PLA2G4D: variants seen among roughly 807,000 people sequenced by gnomAD.
The protein encoded by PLA2G4D is phospholipase A2 group IVD.
A neutral mutation model predicts 94.4 loss-of-function variants in PLA2G4D; 80 were observed. That is an observed-to-expected ratio of 0.85 (90% CI 0.71 to 1.02). PLA2G4D has a LOEUF of 1.02. Ranked by LOEUF, PLA2G4D falls within the 50% of genes least tolerant of loss-of-function variation. The pLI is 0.00. For missense variants in PLA2G4D, 1,050 were observed against 1,034.7 expected (o/e 1.01, Z -0.20); for synonymous variants, 438 against 440.9 (o/e 0.99, Z 0.08).
At chr15:42,093,312 G>C (rs990763289) in intron 1 of PLA2G4D, among the ~76,000 whole-genome samples, 2 of 152,170 alleles carry the variant, frequency 1.3e-5, no homozygotes, top group African/African-American at 2.4e-5. Context: ...CTGACACTTA[G>C]GCTTTTGTTT....
At chr15:42,087,828 G>T (rs555125847) in intron 1 of PLA2G4D, 128 bp from the exon 2 acceptor site, 2 of 924,364 alleles carry the variant, frequency 2.2e-6, no homozygotes, top group African/African-American at 1.7e-5. Context: ...CCTGCCAGGC[G>T]TTCCGGGGAC....
At position 42,068,788 on chromosome 15, in the gene PLA2G4D, G is replaced by T. The variant is rs1449025540; in HGVS notation, c.2384C>A (p.Ala795Asp). The change falls in exon 20 of 20, where the codon GCC becomes GAC. Residue 795 changes from alanine (A) to aspartate (D), a missense_variant. Coordinates refer to ENST00000290472, the MANE Select transcript of PLA2G4D (RefSeq NM_178034.4). ...SDYNVQTSQG[A>D]ILQALRTALK... is the part of the protein sequence containing the mutation. ...CGCGGTCCTCAGGGCCTGCAGGATG[G>T]CACCCTGGCTGGTCTGCACGTTGTA... 5 of 1,613,304 alleles carry T rather than the reference G, an allele frequency of 3.1e-6. No individual in the cohort carries two copies. The South Asian group carries it at 5.5e-5, about 18-fold the overall frequency.
chr15:42,087,655 C>T lies in PLA2G4D; in HGVS notation c.91G>A (p.Ala31Thr). ...AGGTCAGCCCAGCGCAGGTTCCGCG[C>T]CTCCAGGACCCTCACTGTGAGCTGC... The part of the protein sequence containing the change: ...CWQLTVRVLE[A>T]RNLRWADLLS... The change falls in exon 2 of 20, where the codon GCG becomes ACG. Residue 31 changes from alanine (A) to threonine (T), a missense_variant. Coordinates refer to ENST00000290472, the MANE Select transcript of PLA2G4D (RefSeq NM_178034.4). The T allele has an allele frequency of 6.2e-7, 1 of 1,614,182 alleles. No homozygotes were observed. Among genetic ancestry groups the T allele is most frequent in the South Asian group, 1.1e-5 (1 of 91,086 alleles).
At chr15:42,071,959 G>A (rs1410885154) in intron 14 of PLA2G4D, 48 bp from the exon 15 acceptor site, 12 of 1,597,832 alleles carry the variant, frequency 7.5e-6, no homozygotes, top group African/African-American at 4.0e-5. Flanking sequence ...AGTGGATTGC[G>A]GGAGTCCCCA....
intron 13 of PLA2G4D, among the ~76,000 whole-genome samples, chr15:42,076,619 C>T (rs1410203050): frequency 6.6e-6 from 1 of 152,142 alleles, no homozygotes; most frequent in African/African-American, 2.4e-5. Context: ...TACTTAAAAA[C>T]ATCAACTGTC....
chr15:42,093,983 A>G (rs1057025333), intron 1 of PLA2G4D, among the ~76,000 whole-genome samples: 3 of 152,080 alleles, frequency 2.0e-5, no homozygotes, highest in Non-Finnish European at 2.9e-5. Context: ...TGGGCCTACT[A>G]AATACTTGGC....
chr15:42,083,187 C>G lies in PLA2G4D; in HGVS notation c.672+11G>C. 1.9e-6 allele frequency: 3 copies of G among 1,611,332 alleles called. No individual in the cohort carries two copies. The highest frequency in any genetic ancestry group is 2.5e-6 in the Non-Finnish European group (3 of 1,178,820). ...CTAGGATTGCAAACGAGGTCTAGAG[C>G]CAAGACCCACCCTCAGGCGCCCGCT... is the stretch of plus-strand genomic sequence containing the variant. On this transcript the variant is annotated intron_variant, in intron 8 of 19. Coordinates refer to ENST00000290472, the MANE Select transcript of PLA2G4D (RefSeq NM_178034.4).
rs780640309 is a variant in PLA2G4D, at chr15:42,068,764, G to A, written c.2408C>T (p.Ala803Val). The change falls in exon 20 of 20, where the codon GCG (alanine) becomes GTG (valine). Residue 803 changes from alanine (A) to valine (V), a missense_variant. By Grantham distance (64) the Ala-to-Val change is moderately conservative. Transcript: ENST00000290472. ...QGAILQALRT[A>V]LKHRTLEARP... is the part of the protein sequence containing the mutation. The stretch of plus-strand genomic sequence containing the variant: ...CGCCTCTAGAGTCCGGTGCTTCAGC[G>A]CGGTCCTCAGGGCCTGCAGGATGGC... The A allele has an allele frequency of 6.8e-6, 11 of 1,612,588 alleles. No individual in the cohort carries two copies. Among genetic ancestry groups the A allele is most frequent in the African/African-American group, 1.3e-5 (1 of 74,912 alleles).
In PLA2G4D at chr15:42,081,133, C is replaced by A. The variant is rs373289672; in HGVS notation, c.958G>T (p.Val320Leu). 2 of 1,613,342 alleles carry A rather than the reference C, an allele frequency of 1.2e-6. No homozygotes were observed. Among genetic ancestry groups the A allele is most frequent in the Admixed American group, 1.7e-5 (1 of 59,954 alleles). Residue 320 changes from valine (V) to leucine (L), a missense_variant and splice_region_variant, in exon 12 of 20, where the codon GTA becomes TTA. By Grantham distance (32) the Val-to-Leu change is conservative. Coordinates refer to ENST00000290472, the MANE Select transcript of PLA2G4D (RefSeq NM_178034.4). Reference sequence around the variant, plus strand: ...GTGGCCATGATGCCCACAACGGGTACCTGGACCACACACAGACAGGCTGGA... The same window carrying A: ...GTGGCCATGATGCCCACAACGGGTAACTGGACCACACACAGACAGGCTGGA... ...QLDRDLQEDEVPVVGIMATGG... is the reference protein window; with the variant it reads ...QLDRDLQEDELPVVGIMATGG...
At position 42,086,223 on chromosome 15, in the gene PLA2G4D, T is replaced by G. The variant is rs754248396; in HGVS notation, c.377A>C (p.Gln126Pro). 14 of 833,826 alleles carry G rather than the reference T, an allele frequency of 1.7e-5. No homozygotes were observed. In the East Asian group the frequency reaches 8.2e-4, roughly 49 times the overall value. The allele number at this position is 833,826 out of a possible 1,614,324, so 51.7% of individuals were successfully genotyped here. ...PGKLLRKTFS[Q>P]SPQGEEELDV... ...CACCCACCCACCCACCTGGGGACTCTGGGAGAAGGTTTTCCGGAGCAGCTT... is the reference window on the plus strand; with the variant it reads ...CACCCACCCACCCACCTGGGGACTCGGGGAGAAGGTTTTCCGGAGCAGCTT... Residue 126 changes from glutamine (Q) to proline (P), a missense_variant, in exon 4 of 20, where the codon CAG (glutamine) becomes CCG (proline). Gln to Pro is a moderately conservative substitution (Grantham distance 76). Transcript: ENST00000290472.
chr15:42,087,266 C>T, intron 3 of PLA2G4D, 34 bp downstream of exon 3: 2 of 1,613,538 alleles, frequency 1.2e-6, no homozygotes, highest in Non-Finnish European at 1.7e-6. Context: ...CCAGCCCGTT[C>T]ACAAGGGAGT....
Position 42,087,467 on chromosome 15 carries a change from A to T in PLA2G4D, c.119-31T>A, listed in dbSNP as rs1438371012. Reference sequence around the variant, plus strand: ...AAGGTTAAGGAAGTCTTCGTGAGGGAGTACTCCCCACACCCCTCTCCATGA... The same window carrying T: ...AAGGTTAAGGAAGTCTTCGTGAGGGTGTACTCCCCACACCCCTCTCCATGA... On this transcript the variant is annotated intron_variant, in intron 2 of 19. Coordinates refer to ENST00000290472, the MANE Select transcript of PLA2G4D (RefSeq NM_178034.4). The T allele has an allele frequency of 2.5e-6, 4 of 1,613,624 alleles. No individual in the cohort carries two copies. The South Asian group carries it at 4.4e-5, about 18-fold the overall frequency.
rs1889717933 is a variant in PLA2G4D, at chr15:42,067,992, G to A, written c.*723C>T. 1 of 152,186 alleles carries A rather than the reference G, an allele frequency of 6.6e-6. No homozygotes were observed. Among genetic ancestry groups the A allele is most frequent in the East Asian group, 1.9e-4 (1 of 5,198 alleles). The allele number at this position is 152,186 out of a possible 1,614,324, so 9.4% of individuals were successfully genotyped here. ...AAAAGGCATTCAGATCAGACAGGAA[G>A]AAGTAAAACCATCTCTATTTGGAGA... is the stretch of plus-strand genomic sequence containing the variant. On this transcript the variant is annotated 3_prime_UTR_variant, in exon 20 of 20. Transcript: ENST00000290472.
In PLA2G4D at chr15:42,068,747, G is replaced by C; in HGVS notation, c.2425C>G (p.Leu809Val). The C allele has an allele frequency of 6.2e-7, 1 of 1,611,016 alleles. No homozygotes were observed. Among genetic ancestry groups the C allele is most frequent in the African/African-American group, 1.3e-5 (1 of 75,018 alleles). ...TGTGCCCTTGGAGGCCTCGCCTCTA[G>C]AGTCCGGTGCTTCAGCGCGGTCCTC... ...ALRTALKHRT[L>V]EARPPRAQT The change falls in exon 20 of 20, where the codon CTA becomes GTA. Residue 809 changes from leucine to valine, a missense_variant. Physicochemically the swap from Leu to Val is conservative, Grantham distance 32. Coordinates refer to ENST00000290472, the MANE Select transcript of PLA2G4D (RefSeq NM_178034.4).
rs899078588 is a variant in PLA2G4D, at chr15:42,068,289, G to A, written c.*426C>T. ...AAGGACAAGGAGAGGAGGAGGTGGA[G>A]GAGCAGGAAGAAGATGAGGAGGCAA... On this transcript the variant is annotated 3_prime_UTR_variant, in exon 20 of 20. Coordinates refer to ENST00000290472, the MANE Select transcript of PLA2G4D (RefSeq NM_178034.4). 1 of 162,108 alleles carries A rather than the reference G, an allele frequency of 6.2e-6. No homozygotes were observed. The highest frequency in any genetic ancestry group is 1.3e-5 in the Non-Finnish European group (1 of 74,156). 10.0% of individuals were successfully genotyped at this position (162,108 alleles called of 1,614,324 possible). A position where few individuals can be genotyped will look rare whatever the true frequency, so the allele number is the denominator to read the frequency against.
intron 9 of PLA2G4D, 66 bp downstream of exon 9, chr15:42,082,213 T>C (rs970394884): frequency 2.9e-6 from 4 of 1,382,054 alleles, no homozygotes; most frequent in Non-Finnish European, 4.1e-6. Flanking sequence ...ATTACAGGCT[T>C]GAGCCACAGA....
chr15:42,067,399 A>G lies in PLA2G4D; in HGVS notation c.*1316T>C, dbSNP rs1489711481. 6.6e-6 allele frequency: 1 copy of G among 152,120 alleles called. No homozygotes were observed. Among genetic ancestry groups the G allele is most frequent in the Non-Finnish European group, 1.5e-5 (1 of 68,030 alleles). The allele number at this position is 152,120 out of a possible 1,614,324, so 9.4% of individuals were successfully genotyped here. On this transcript the variant is annotated 3_prime_UTR_variant, in exon 20 of 20. Transcript: ENST00000290472. ...AAAAACCATTTTTTTAATTTAGCCA[A>G]GTATGGTGTTACATGCCTGTAGTCC...
At chr15:42,080,276 C>T (rs149054699) in intron 12 of PLA2G4D, among the ~76,000 whole-genome samples, 63 of 152,252 alleles carry the variant, frequency 4.1e-4, no homozygotes, top group Middle Eastern at 6.8e-3. Context: ...GAAGCCTTTT[C>T]ACACTCTGCT....
chr15:42,078,710 T>C (rs951624450), intron 13 of PLA2G4D, among the ~76,000 whole-genome samples: 2 of 152,194 alleles, frequency 1.3e-5, no homozygotes, highest in Non-Finnish European at 2.9e-5. Flanking sequence ...ATGATAATCA[T>C]ACTTGATTAA....
Sources: allele counts gnomAD v4.1 joint callset (sites outside exome capture counted in the v4.1 genomes callset), GRCh38; gene constraint gnomAD v4.1.1; transcripts MANE v1.5; gene names NCBI Gene and HGNC (gene_info 2026-07-23, HGNC 2026-07-21).